The following TRIM66 variants were observed in gnomAD, a reference collection of about 807,000 sequenced individuals.
The protein encoded by TRIM66 is tripartite motif containing 66, also known as tripartite motif-containing protein 66.
Under a neutral mutation model 148.2 loss-of-function variants are expected in TRIM66, and 99 were observed. That is an observed-to-expected ratio of 0.67 (90% confidence interval 0.57 to 0.79). TRIM66 has a LOEUF of 0.79. Ranked by LOEUF, TRIM66 falls within the 30% of genes least tolerant of loss-of-function variation. The pLI is 0.00. For synonymous variants in TRIM66, 616 were observed against 635.9 expected (o/e 0.97, Z 0.47); for missense variants, 1,666 against 1,697.9 (o/e 0.98, Z 0.33).
chr11:8,629,997 C>T (rs917440444), intron 15 of TRIM66, among the ~76,000 whole-genome samples: 2 of 152,180 alleles, frequency 1.3e-5, no homozygotes, highest in African/African-American at 4.8e-5. Flanking sequence ...TATTTTTATA[C>T]TATATCGGCT....
At position 8,614,741 on chromosome 11, in the gene TRIM66, G is replaced by A. The variant is rs1439509508; in HGVS notation, c.*3203C>T. ...GAGCTGTTGCTAGAAATGGGTACAGGGAGGGAGCCAGAGTCCGCTGGTGGG... is the reference window on the plus strand; with the variant it reads ...GAGCTGTTGCTAGAAATGGGTACAGAGAGGGAGCCAGAGTCCGCTGGTGGG... On this transcript the variant is annotated 3_prime_UTR_variant, in exon 25 of 25. Transcript: ENST00000646038. 6.5e-6 allele frequency: 1 copy of A among 152,872 alleles called. No individual in the cohort carries two copies. Among genetic ancestry groups the A allele is most frequent in the Admixed American group, 6.5e-5 (1 of 15,302 alleles). 9.5% of individuals were successfully genotyped at this position (152,872 alleles called of 1,614,324 possible). A position where few individuals can be genotyped will look rare whatever the true frequency, so the allele number is the denominator to read the frequency against.
chr11:8,677,603 C>G (rs1238371203), intron 3 of TRIM66, among the ~76,000 whole-genome samples: 2 of 151,764 alleles, frequency 1.3e-5, no homozygotes, highest in African/African-American at 4.9e-5. Flanking sequence ...ACATACAAGA[C>G]CTTATCTTTA....
rs1249869468 is a variant in TRIM66 at position 8,649,717 on chromosome 11, G to A, written c.592+23C>T. The stretch of plus-strand genomic sequence containing the variant: ...GCCCTGCTTTAGGGCATGGGAGTGG[G>A]CAGGGAGAGGTGGGATTGGTACCTG... On this transcript the variant is annotated intron_variant, in intron 8 of 24. Transcript: ENST00000646038. 1.9e-6 allele frequency: 3 copies of A among 1,545,680 alleles called. No homozygotes were observed. In the African/African-American group the frequency reaches 4.4e-5, roughly 22 times the overall value.
chr11:8,628,961 T>G (rs2035135566), intron 15 of TRIM66, among the ~76,000 whole-genome samples: 1 of 152,216 alleles, frequency 6.6e-6, no homozygotes, highest in Admixed American at 6.5e-5. Context: ...AAGTATGCTT[T>G]TTATATTTTC....
intron 21 of TRIM66, 48 bp downstream of exon 21, chr11:8,620,398 G>C: frequency 3.2e-6 from 5 of 1,548,906 alleles, no homozygotes; most frequent in Non-Finnish European, 4.4e-6. Flanking sequence ...GTAGGCAGAA[G>C]GGGGCTGCCA....
At chr11:8,682,861 C>T (rs1159800680), upstream of TRIM66, 6 of 1,596,738 alleles carry the variant, frequency 3.8e-6, no homozygotes, top group Admixed American at 3.4e-5. Context: ...CGGCGGAGAC[C>T]CCTAAGCTGT....
At chr11:8,682,746 C>T (rs2039504375), upstream of TRIM66, 7 of 1,607,700 alleles carry the variant, frequency 4.4e-6, no homozygotes, top group Non-Finnish European at 5.1e-6. Flanking sequence ...AGGCGTTTTG[C>T]CCCGCCCCCG....
In TRIM66 at chr11:8,671,982, T is replaced by C; in HGVS notation, c.144A>G (p.Pro48=). 6.5e-7 allele frequency: 1 copy of C among 1,536,096 alleles called. No individual in the cohort carries two copies. The highest frequency in any genetic ancestry group is 8.7e-7 in the Non-Finnish European group (1 of 1,146,904). ...TAGGGCAGTGTTTCTGGCCAGCTAG[T>C]GGCAGCCCCATAAAGCTCATGCCCA... ...VDMGMSFMGL[P]LAGQKHCPKS... The change falls in exon 6 of 25, where the codon CCA becomes CCG. Residue 48 remains proline, a synonymous_variant. Coordinates refer to ENST00000646038, the MANE Select transcript of TRIM66 (RefSeq NM_001388022.1).
intron 15 of TRIM66, among the ~76,000 whole-genome samples, chr11:8,627,087 C>T (rs1343121923): frequency 6.6e-6 from 1 of 152,214 alleles, no homozygotes; most frequent in African/African-American, 2.4e-5. Context: ...TGTACTTGTA[C>T]TTTCAGCTTC....
chr11:8,649,923 C>T (rs1386524669), intron 7 of TRIM66, 36 bp from the exon 8 acceptor site: 1 of 1,538,212 alleles, frequency 6.5e-7, no homozygotes, highest in Admixed American at 2.0e-5. Context: ...CTGATGTTAT[C>T]CTCATTTGTG....
At chr11:8,638,570 C>T (rs34655699) in intron 15 of TRIM66, 84 bp downstream of exon 15, 31 of 1,460,024 alleles carry the variant, frequency 2.1e-5, no homozygotes, top group Non-Finnish European at 2.7e-5. Context: ...CTCCTCCCCC[C>T]ACCCTATCCT....
chr11:8,682,217 C>A (rs1417393750), intron 1 of TRIM66, among the ~76,000 whole-genome samples: 1 of 152,342 alleles, frequency 6.6e-6, no homozygotes, highest in East Asian at 1.9e-4. Flanking sequence ...AGCTGCAGTG[C>A]CCACTCAGAA....
rs1391965313 is a variant in TRIM66, at chr11:8,640,869, C to T, written c.1506G>A (p.Gln502=). ...GGGCAGAGCACTGCAGAGACCCCAGCTGCTGGGGCACCATCTCAGGGGGCT... is the reference window on the plus strand; with the variant it reads ...GGGCAGAGCACTGCAGAGACCCCAGTTGCTGGGGCACCATCTCAGGGGGCT... ...FRQPPEMVPQ[Q]LGSLQCSALL... Residue 502 remains glutamine (Q), a synonymous_variant, in exon 14 of 25, where the codon CAG becomes CAA. Coordinates refer to ENST00000646038, the MANE Select transcript of TRIM66 (RefSeq NM_001388022.1). The T allele has an allele frequency of 6.5e-7, 1 of 1,550,326 alleles. No homozygotes were observed. Among genetic ancestry groups the T allele is most frequent in the African/African-American group, 1.4e-5 (1 of 72,994 alleles).
At chr11:8,682,437 G>A (rs1006852938) in intron 1 of TRIM66, 164 bp downstream of exon 1, 26 of 319,114 alleles carry the variant, frequency 8.1e-5, no homozygotes, top group African/African-American at 5.2e-4. Flanking sequence ...CATTTGGTGA[G>A]GAGCTCAGAC....
intron 12 of TRIM66, among the ~76,000 whole-genome samples, chr11:8,644,637 C>CTCTA (rs1343037660): frequency 6.6e-6 from 1 of 152,166 alleles, no homozygotes; most frequent in African/African-American, 2.4e-5. Context: ...CACCCCTCCT[C>CTCTA]TCTATCTTCA....
In TRIM66 at chr11:8,616,659, G is replaced by C. The variant is rs1420778476; in HGVS notation, c.*1285C>G. 6.6e-6 allele frequency: 1 copy of C among 152,198 alleles called. No individual in the cohort carries two copies. The highest frequency in any genetic ancestry group is 1.5e-5 in the Non-Finnish European group (1 of 68,078). The allele number at this position is 152,198 out of a possible 1,614,324, so 9.4% of individuals were successfully genotyped here. A position where few individuals can be genotyped will look rare whatever the true frequency, so the allele number is the denominator to read the frequency against. On this transcript the variant is annotated 3_prime_UTR_variant, in exon 25 of 25. Transcript: ENST00000646038. ...CAGAATGCTTCTCTCTGCATTCTAG[G>C]AGAACTAAGGCTCTGAGGTTGCTTC...
At chr11:8,636,258 C>A (rs1033281119) in intron 15 of TRIM66, among the ~76,000 whole-genome samples, 3 of 151,866 alleles carry the variant, frequency 2.0e-5, no homozygotes, top group African/African-American at 7.3e-5. Flanking sequence ...TTTCTAGCCA[C>A]CCCCACCCCT....
intron 11 of TRIM66, among the ~76,000 whole-genome samples, chr11:8,646,229 T>C (rs2036833603): frequency 6.6e-6 from 1 of 152,186 alleles, no homozygotes; most frequent in Non-Finnish European, 1.5e-5. Flanking sequence ...GGAAGCTGCC[T>C]AAGAGACATA....
At chr11:8,671,252 A>ATATTC (rs2038913023) in intron 6 of TRIM66, among the ~76,000 whole-genome samples, 1 of 152,224 alleles carries the variant, frequency 6.6e-6, no homozygotes. Context: ...GTCCTGTGCT[A>ATATTC]GAATAATAAA....
Sources: allele counts gnomAD v4.1 joint callset (sites outside exome capture counted in the v4.1 genomes callset), GRCh38; gene constraint gnomAD v4.1.1; transcripts MANE v1.5; gene names NCBI Gene and HGNC (gene_info 2026-07-23, HGNC 2026-07-21).